The following ZNF704 variants were observed in gnomAD, a reference collection of about 807,000 sequenced individuals.
ZNF704 encodes the protein zinc finger protein 704.
A neutral mutation model predicts 44.7 loss-of-function variants in ZNF704; 10 were observed. The observed-to-expected ratio is 0.22, with a 90% CI of 0.14 to 0.38. ZNF704 has a LOEUF of 0.38. Ranked by LOEUF, ZNF704 falls within the 10% of genes least tolerant of loss-of-function variation. ZNF704 has a pLI of 1.00. For synonymous variants in ZNF704, 211 were observed against 207.6 expected (o/e 1.02, Z -0.14); for missense variants, 390 against 545.5 (o/e 0.71, Z 2.84).
At chr8:80,876,623 A>G (rs1460378463), upstream of ZNF704, among the ~76,000 whole-genome samples, 1 of 152,096 alleles carries the variant, frequency 6.6e-6, no homozygotes, top group Non-Finnish European at 1.5e-5. Context: ...CTTTACTTTT[A>G]CTCATCCTCT....
chr8:80,737,922 A>T (rs1234813990), intron 2 of ZNF704, among the ~76,000 whole-genome samples: 1 of 152,148 alleles, frequency 6.6e-6, no homozygotes, highest in Non-Finnish European at 1.5e-5. Flanking sequence ...CTCTTCCAAG[A>T]TCCAAATCCA....
At chr8:80,758,354 C>T (rs1380698826) in intron 2 of ZNF704, among the ~76,000 whole-genome samples, 3 of 152,146 alleles carry the variant, frequency 2.0e-5, no homozygotes, top group African/African-American at 7.2e-5. Context: ...GGGAAGCACA[C>T]TTTCCACAAA....
chr8:80,704,151 T>C (rs1452990158), intron 2 of ZNF704, among the ~76,000 whole-genome samples: 5 of 152,248 alleles, frequency 3.3e-5, no homozygotes, highest in African/African-American at 1.2e-4. Context: ...CATTATTAAA[T>C]AATAAGTTTC....
the ZNF704 span, among the ~76,000 whole-genome samples, chr8:80,880,717 C>G: frequency 2.6e-5 from 4 of 152,140 alleles, no homozygotes; most frequent in Non-Finnish European, 5.9e-5. Context: ...CCATTTTAAA[C>G]TTGATACCAA....
intron 6 of ZNF704, among the ~76,000 whole-genome samples, chr8:80,661,496 T>A (rs1818101260): frequency 6.6e-6 from 1 of 152,210 alleles, no homozygotes; most frequent in African/African-American, 2.4e-5. Flanking sequence ...TGCACTCTCA[T>A]GTTTATTGCA....
chr8:80,655,935 CT>C (rs1430650120), intron 7 of ZNF704, among the ~76,000 whole-genome samples: 5 of 152,156 alleles, frequency 3.3e-5, no homozygotes, highest in African/African-American at 1.2e-4. Context: ...GGTTGACTAG[CT>C]TATACTTGCT....
rs80163571 is a variant in ZNF704, at chr8:80,712,389, A to G, written c.222-19282T>C. On this transcript the variant is annotated intron_variant, in intron 2 of 8. Coordinates refer to ENST00000327835, the MANE Select transcript of ZNF704 (RefSeq NM_001033723.3). Reference sequence around the variant, plus strand: ...TTATAGCAATATAAACCAGACAAAGATAGGCTCAATCTTATAGACTATTTT... The same window carrying G: ...TTATAGCAATATAAACCAGACAAAGGTAGGCTCAATCTTATAGACTATTTT... Among the ~76,000 whole-genome samples the G allele has an allele frequency of 8.5e-5, 13 of 152,364 alleles. No individual in the cohort carries two copies. The East Asian group carries it at 1.9e-3, about 23-fold the overall frequency.
intron 8 of ZNF704, 50 bp downstream of exon 8, chr8:80,642,985 C>T (rs778282396): frequency 2.9e-5 from 37 of 1,270,814 alleles, no homozygotes; most frequent in Non-Finnish European, 3.9e-5. Flanking sequence ...TTCTGTTTTA[C>T]AGTTAATTCC....
intron 1 of ZNF704, among the ~76,000 whole-genome samples, chr8:80,861,804 G>A (rs181665635): frequency 2.6e-5 from 4 of 151,308 alleles, no homozygotes; most frequent in East Asian, 3.9e-4. Flanking sequence ...CCTACCTGAC[G>A]TCTCCATTTG....
intron 1 of ZNF704, among the ~76,000 whole-genome samples, chr8:80,842,849 T>C (rs933843445): frequency 6.6e-6 from 1 of 152,206 alleles, no homozygotes; most frequent in African/African-American, 2.4e-5. Context: ...ACACCATTCT[T>C]TGCCTTATTC....
chr8:80,842,598 C>T (rs1404305279), intron 1 of ZNF704, among the ~76,000 whole-genome samples: 1 of 152,120 alleles, frequency 6.6e-6, no homozygotes, highest in Non-Finnish European at 1.5e-5. Flanking sequence ...AGCCTTCAGT[C>T]GGCAGTGGGT....
chr8:80,780,716 G>C (rs1388369386), intron 2 of ZNF704, among the ~76,000 whole-genome samples: 1 of 152,076 alleles, frequency 6.6e-6, no homozygotes, highest in African/African-American at 2.4e-5. Flanking sequence ...CTGCAGTGAG[G>C]TACTAACAAG....
intron 1 of ZNF704, among the ~76,000 whole-genome samples, chr8:80,834,367 G>A (rs911156756): frequency 6.6e-6 from 1 of 152,156 alleles, no homozygotes; most frequent in South Asian, 2.1e-4. Context: ...TGTGAGGGCA[G>A]CTTCAATGAT....
intron 2 of ZNF704, among the ~76,000 whole-genome samples, chr8:80,766,086 C>A (rs1470757380): frequency 6.6e-6 from 1 of 152,124 alleles, no homozygotes; most frequent in Admixed American, 6.6e-5. Context: ...CTCTTTCCTT[C>A]TAGAATATGC....
At chr8:80,852,343 T>C (rs1465831359) in intron 1 of ZNF704, among the ~76,000 whole-genome samples, 1 of 152,218 alleles carries the variant, frequency 6.6e-6, no homozygotes, top group Non-Finnish European at 1.5e-5. Context: ...CCATCAATAT[T>C]AGTATATACA....
intron 2 of ZNF704, among the ~76,000 whole-genome samples, chr8:80,756,324 T>C (rs1807034258): frequency 6.6e-6 from 1 of 152,226 alleles, no homozygotes; most frequent in Non-Finnish European, 1.5e-5. Context: ...TGTTATTTAC[T>C]ACTCATTCAT....
intron 2 of ZNF704, among the ~76,000 whole-genome samples, chr8:80,710,974 A>G (rs1229905247): frequency 6.6e-6 from 1 of 152,158 alleles, no homozygotes; most frequent in Non-Finnish European, 1.5e-5. Flanking sequence ...CAGGCATGTG[A>G]GCTGCAGTTT....
rs903154505 is a variant in ZNF704, at chr8:80,677,527, T to G, written c.559-6924A>C. On this transcript the variant is annotated intron_variant, in intron 4 of 8. Transcript: ENST00000327835. ...AATTAGGATAACTACCAACAGCAAT[T>G]GTTTATCTCCTCCTCACACATACAC... Among the ~76,000 whole-genome samples, 18 of 152,320 alleles carry G rather than the reference T, an allele frequency of 1.2e-4. No homozygotes were observed. The South Asian group carries it at 3.5e-3, about 30-fold the overall frequency.
intron 2 of ZNF704, among the ~76,000 whole-genome samples, chr8:80,792,094 G>C (rs1437257079): frequency 4.6e-5 from 7 of 152,138 alleles, no homozygotes. Context: ...AATAGAGACA[G>C]AAAGGAAAAG....
Sources: allele counts gnomAD v4.1 joint callset (sites outside exome capture counted in the v4.1 genomes callset), GRCh38; gene constraint gnomAD v4.1.1; transcripts MANE v1.5; gene names NCBI Gene and HGNC (gene_info 2026-07-23, HGNC 2026-07-21).